The following HDLBP variants were observed in gnomAD, a reference collection of about 807,000 sequenced individuals.
The protein encoded by HDLBP is vigilin.
Under a neutral mutation model 137.3 loss-of-function variants are expected in HDLBP, and 30 were observed. That is an observed-to-expected ratio of 0.22 (90% CI 0.16 to 0.30). The LOEUF is 0.30. Ranked by LOEUF, HDLBP falls within the 10% of genes least tolerant of loss-of-function variation. HDLBP has a pLI of 1.00. For missense variants in HDLBP, 1,119 were observed against 1,667.3 expected (o/e 0.67, Z 5.73); for synonymous variants, 606 against 596.0 (o/e 1.02, Z -0.24).
intron 3 of HDLBP, among the ~76,000 whole-genome samples, chr2:241,266,219 T>C (rs1455571717): frequency 6.6e-6 from 1 of 151,954 alleles, no homozygotes; most frequent in African/African-American, 2.4e-5. Context: ...TATCAATGGT[T>C]CCCCCCCTTT....
At chr2:241,268,603 C>A in intron 1 of HDLBP, 62 bp from the exon 2 acceptor site, 1 of 557,472 alleles carries the variant, frequency 1.8e-6, no homozygotes, top group Non-Finnish European at 2.3e-6. Flanking sequence ...TACTTATCTA[C>A]ATTTTACAAC....
intron 5 of HDLBP, among the ~76,000 whole-genome samples, chr2:241,259,349 G>A (rs2072975204): frequency 1.3e-5 from 2 of 152,192 alleles, no homozygotes; most frequent in South Asian, 2.1e-4. Context: ...AGATTTCTCT[G>A]AAAGTACTTT....
At chr2:241,300,559 C>G (rs889393939) in intron 1 of HDLBP, among the ~76,000 whole-genome samples, 1 of 152,176 alleles carries the variant, frequency 6.6e-6, no homozygotes, top group African/African-American at 2.4e-5. Context: ...GAAGAAGAAT[C>G]CTAATGCATG....
intron 1 of HDLBP, among the ~76,000 whole-genome samples, chr2:241,281,575 G>C (rs1354888921): frequency 6.6e-6 from 1 of 152,028 alleles, no homozygotes; most frequent in Non-Finnish European, 1.5e-5. Flanking sequence ...ATAAATTGAT[G>C]GATTTTCATA....
chr2:241,240,907 C>A lies in HDLBP; in HGVS notation c.2170-785G>T, dbSNP rs1159453351. Among the ~76,000 whole-genome samples, 1 of 152,036 alleles carries A rather than the reference C, an allele frequency of 6.6e-6. No homozygotes were observed. Among genetic ancestry groups the A allele is most frequent in the Non-Finnish European group, 1.5e-5 (1 of 68,008 alleles). ...CTTTCTCCGGACCCAAGATCTGGCC[C>A]GCAAGCAAAAATACCAAAGAAAAAC... On this transcript the variant is annotated intron_variant, in intron 17 of 27. Transcript: ENST00000310931. This position sits in a 1 kb window ranked among gnomAD's most constrained non-coding sequence, Gnocchi z 5.5.
At chr2:241,311,905 A>G (rs930424113) in intron 1 of HDLBP, among the ~76,000 whole-genome samples, 2 of 152,220 alleles carry the variant, frequency 1.3e-5, no homozygotes, top group Non-Finnish European at 2.9e-5. Context: ...GGAACTTCCT[A>G]CCTATTCTCA....
At position 241,233,086 on chromosome 2, in the gene HDLBP, T is replaced by C. The variant is rs763990941; in HGVS notation, c.3288+734A>G. On this transcript the variant is annotated intron_variant, in intron 24 of 27. Coordinates refer to ENST00000310931, the MANE Select transcript of HDLBP (RefSeq NM_005336.6). The surrounding 1 kb of genome is among the most constrained non-coding windows in gnomAD (Gnocchi z 4.3). ...CTCTGCTGCCAGGGGGTTTGCTGTT[T>C]CTGGAAACCAGCACAACTGTGGCCA... is the stretch of plus-strand genomic sequence containing the variant. Among the ~76,000 whole-genome samples, 15 of 152,130 alleles carry C rather than the reference T, an allele frequency of 9.9e-5. No individual in the cohort carries two copies. The highest frequency in any genetic ancestry group is 1.2e-4 in the Non-Finnish European group (8 of 68,014).
chr2:241,261,521 G>A (rs373806916), intron 5 of HDLBP, among the ~76,000 whole-genome samples: 43 of 152,338 alleles, frequency 2.8e-4, no homozygotes, highest in African/African-American at 1.0e-3. Context: ...GTAGGAGAGT[G>A]TCAGGGGTCA....
At chr2:241,236,312 T>C (rs1574856080) in intron 21 of HDLBP, 5 of 392,328 alleles carry the variant, frequency 1.3e-5, no homozygotes, top group East Asian at 4.7e-5. Flanking sequence ...GTCACATTCA[T>C]CCCCCTGCAG....
intron 1 of HDLBP, among the ~76,000 whole-genome samples, chr2:241,300,922 C>A (rs551021426): frequency 1.3e-5 from 2 of 151,634 alleles, no homozygotes; most frequent in Non-Finnish European, 2.9e-5. Context: ...TTGTATTCTT[C>A]AAAGTGAACT....
chr2:241,261,909 G>C (rs575973806), intron 5 of HDLBP, among the ~76,000 whole-genome samples: 2 of 152,234 alleles, frequency 1.3e-5, no homozygotes, highest in African/African-American at 4.8e-5. Context: ...TCCAGATCCA[G>C]CTCCCACAAG....
rs1214284300 is a variant in HDLBP, at chr2:241,272,081, A to C, written c.-102-3540T>G. The C allele has an allele frequency of 1.5e-5, 8 of 550,886 alleles. No homozygotes were observed. The South Asian group carries it at 5.5e-4, about 38-fold the overall frequency. 34.1% of individuals were successfully genotyped at this position (550,886 alleles called of 1,614,324 possible). On this transcript the variant is annotated intron_variant, in intron 1 of 27. Transcript: ENST00000310931. This position sits in a 1 kb window ranked among gnomAD's most constrained non-coding sequence, Gnocchi z 5.6. ...TCATCCAAATTCGGTACTTTTCCGT[A>C]ATGTATTTTTCATCCACGACCCTGG...
chr2:241,272,291 C>T lies in HDLBP; in HGVS notation c.-102-3750G>A. ...ACCCCGCTGGCCTCCCAGGGACCCC[C>T]ACCCTGGCCGCACACGGCGCCCCCG... On this transcript the variant is annotated intron_variant, in intron 1 of 27. Coordinates refer to ENST00000310931, the MANE Select transcript of HDLBP (RefSeq NM_005336.6). The surrounding 1 kb of genome is among the most constrained non-coding windows in gnomAD (Gnocchi z 5.6). 2.0e-6 allele frequency: 2 copies of T among 979,522 alleles called. No individual in the cohort carries two copies. Among genetic ancestry groups the T allele is most frequent in the African/African-American group, 3.5e-5 (2 of 57,168 alleles). 60.7% of individuals were successfully genotyped at this position (979,522 alleles called of 1,614,324 possible).
chr2:241,271,268 A>G (rs1321053582), intron 1 of HDLBP: 1 of 369,162 alleles, frequency 2.7e-6, no homozygotes, highest in East Asian at 1.6e-4. Context: ...ACCTCAAACT[A>G]TACTGAACCT....
intron 11 of HDLBP, 41 bp from the exon 12 acceptor site, chr2:241,250,021 A>C: frequency 6.4e-7 from 1 of 1,561,614 alleles, no homozygotes; most frequent in Non-Finnish European, 8.7e-7. Flanking sequence ...ACACAGACCA[A>C]CAACATTCTG....
chr2:241,263,262 C>T (rs758895700), intron 4 of HDLBP, among the ~76,000 whole-genome samples: 8 of 152,196 alleles, frequency 5.3e-5, no homozygotes, highest in Admixed American at 5.2e-4. Context: ...AAGCACGAGG[C>T]AGCTATCCAT....
chr2:241,268,452 A>C, intron 2 of HDLBP, 25 bp downstream of exon 2: 1 of 985,904 alleles, frequency 1.0e-6, no homozygotes, highest in Non-Finnish European at 1.2e-6. Context: ...AGGGACAGGA[A>C]GTCTTCAGAC....
At chr2:241,244,017 A>C (rs2071485485) in intron 16 of HDLBP, among the ~76,000 whole-genome samples, 1 of 152,224 alleles carries the variant, frequency 6.6e-6, no homozygotes, top group Admixed American at 6.5e-5. Flanking sequence ...AAAAGCAGAA[A>C]GACTGAACAT....
chr2:241,287,030 T>A (rs895194253), intron 1 of HDLBP, among the ~76,000 whole-genome samples: 1 of 152,068 alleles, frequency 6.6e-6, no homozygotes, highest in African/African-American at 2.4e-5. Context: ...GACTGGTGAT[T>A]AAATAAACCT....
Sources: gnomAD v4.1 joint callset for allele counts (sites outside exome capture counted in the v4.1 genomes callset) on GRCh38, gnomAD v4.1.1 for gene constraint, Gnocchi (gnomAD v3.1) non-coding constraint, MANE v1.5 for transcripts, NCBI Gene and HGNC (gene_info 2026-07-23, HGNC 2026-07-21) for gene names.